The following DOCK8 variants were observed in gnomAD, a reference collection of about 807,000 sequenced individuals.
The protein encoded by DOCK8 is dedicator of cytokinesis protein 8.
Under a neutral mutation model 245.6 loss-of-function variants are expected in DOCK8, and 141 were observed. The observed-to-expected ratio is 0.57, with a 90% CI of 0.50 to 0.66. The LOEUF is 0.66. Ranked by LOEUF, DOCK8 falls within the 30% of genes least tolerant of loss-of-function variation. The pLI is 0.00. For missense variants in DOCK8, 2,965 were observed against 2,603.4 expected (o/e 1.14, Z -3.02); for synonymous variants, 1,168 against 970.2 (o/e 1.20, Z -3.79).
Position 336,461 on chromosome 9 carries a change from A to G in DOCK8, c.1286-121A>G, listed in dbSNP as rs374880694. Reference sequence around the variant, plus strand: ...ATGGAAGGACATTTTCATTCAAAACAAGGATGGCCATATTCAGTGTTCCTG... The same window carrying G: ...ATGGAAGGACATTTTCATTCAAAACGAGGATGGCCATATTCAGTGTTCCTG... On this transcript the variant is annotated intron_variant, in intron 11 of 47. Coordinates refer to ENST00000432829, the MANE Select transcript of DOCK8 (RefSeq NM_203447.4). 2.2e-6 allele frequency: 3 copies of G among 1,345,094 alleles called. No homozygotes were observed. In the African/African-American group the frequency reaches 4.3e-5, roughly 19 times the overall value. The allele number at this position is 1,345,094 out of a possible 1,614,324, so 83.3% of individuals were successfully genotyped here.
chr9:299,089 T>C (rs1394171215), intron 4 of DOCK8, among the ~76,000 whole-genome samples: 2 of 152,210 alleles, frequency 1.3e-5, no homozygotes, highest in African/African-American at 4.8e-5. Context: ...TTTTAGGCGA[T>C]AACTTAATAT....
intron 1 of DOCK8, among the ~76,000 whole-genome samples, chr9:237,468 A>C (rs1339934331): frequency 6.6e-6 from 1 of 152,232 alleles, no homozygotes; most frequent in African/African-American, 2.4e-5. Flanking sequence ...CAGCCTGGGC[A>C]AAGTGGTGAA....
chr9:342,908 C>A (rs1337373315), intron 14 of DOCK8, among the ~76,000 whole-genome samples: 1 of 152,058 alleles, frequency 6.6e-6, no homozygotes, highest in Non-Finnish European at 1.5e-5. Flanking sequence ...TGTCTTTGCC[C>A]CTCTGTACAC....
chr9:366,722 C>G (rs138825104), intron 14 of DOCK8, among the ~76,000 whole-genome samples: 2 of 150,378 alleles, frequency 1.3e-5, no homozygotes, highest in East Asian at 3.9e-4. Flanking sequence ...GTTTATCTCG[C>G]TTTGCCTTGC....
At position 234,035 on chromosome 9, in the gene DOCK8, T is replaced by C. The variant is rs191629471; in HGVS notation, c.53+19006T>C. 5.7e-3 allele frequency among the ~76,000 whole-genome samples: 858 copies of C among 151,676 alleles called. 2 individuals carry two copies. Among genetic ancestry groups the C allele is most frequent in the Middle Eastern group, 0.021 (6 of 292 alleles). ...GGCATGTTTTTGCAGTGGCTGGTAC[T>C]GGTTGTTCCTTTCCATGTTTGGTGC... On this transcript the variant is annotated intron_variant, in intron 1 of 47. Transcript: ENST00000432829.
intron 33 of DOCK8, among the ~76,000 whole-genome samples, chr9:423,425 A>G (rs1482419296): frequency 6.6e-6 from 1 of 152,132 alleles, no homozygotes; most frequent in Non-Finnish European, 1.5e-5. Flanking sequence ...CCCCTCACAC[A>G]CAGTTGACAA....
At position 390,127 on chromosome 9, in the gene DOCK8, T is replaced by C. The variant is rs906558214; in HGVS notation, c.2875-344T>C. On this transcript the variant is annotated intron_variant, in intron 23 of 47. Transcript: ENST00000432829. Reference sequence around the variant, plus strand: ...CTTGCACATGGTCACACAGAGAGTTTTCAGCAGGACCCAAGAGGAAAGTAA... The same window carrying C: ...CTTGCACATGGTCACACAGAGAGTTCTCAGCAGGACCCAAGAGGAAAGTAA... Among the ~76,000 whole-genome samples, 4 of 152,140 alleles carry C rather than the reference T, an allele frequency of 2.6e-5. No individual in the cohort carries two copies. The East Asian group carries it at 7.7e-4, about 29-fold the overall frequency.
In DOCK8 at chr9:368,057, A is replaced by T. The variant is rs906848804; in HGVS notation, c.1719A>T (p.Val573=). ...TCTACCCACAGAGGCTGAACTTTGTAAACAAACTAGCATCAGCCCGGAACA... is the reference window on the plus strand; with the variant it reads ...TCTACCCACAGAGGCTGAACTTTGTTAACAAACTAGCATCAGCCCGGAACA... ...LYVYPQRLNF[V]NKLASARNIT... The change falls in exon 15 of 48, where the codon GTA becomes GTT. Residue 573 remains valine, a synonymous_variant. Transcript: ENST00000432829. 5 of 1,614,188 alleles carry T rather than the reference A, an allele frequency of 3.1e-6. No individual in the cohort carries two copies. The highest frequency in any genetic ancestry group is 3.3e-4 in the Middle Eastern group (2 of 6,062).
At chr9:367,076 A>G (rs2053039859) in intron 14 of DOCK8, among the ~76,000 whole-genome samples, 1 of 152,208 alleles carries the variant, frequency 6.6e-6, no homozygotes, top group Admixed American at 6.5e-5. Context: ...CACTTGTGAC[A>G]TGGGGATGAT....
chr9:420,324 C>T (rs1471701977), intron 30 of DOCK8, 77 bp from the exon 31 acceptor site: 14 of 1,506,034 alleles, frequency 9.3e-6, no homozygotes, highest in Non-Finnish European at 1.0e-5. Context: ...TTTTCTGTTG[C>T]TTGACTGTTA....
chr9:425,339 T>C (rs1048537196), intron 33 of DOCK8, among the ~76,000 whole-genome samples: 18 of 152,088 alleles, frequency 1.2e-4, no homozygotes, highest in Admixed American at 2.6e-4. Flanking sequence ...GAGACCATCC[T>C]GGCTAACGCG....
chr9:323,564 G>A (rs1455899641), intron 7 of DOCK8, among the ~76,000 whole-genome samples: 1 of 152,104 alleles, frequency 6.6e-6, no homozygotes, highest in Non-Finnish European at 1.5e-5. Flanking sequence ...GTTCAGTGGT[G>A]AGTACATTCA....
chr9:240,234 C>G (rs2047346641), intron 1 of DOCK8, among the ~76,000 whole-genome samples: 1 of 152,032 alleles, frequency 6.6e-6, no homozygotes. Context: ...TACAAACTGG[C>G]AAGGTCAATC....
At chr9:352,736 G>A (rs1257972094) in intron 14 of DOCK8, among the ~76,000 whole-genome samples, 1 of 29,782 alleles carries the variant, frequency 3.4e-5, no homozygotes, top group East Asian at 1.1e-3. Context: ...GTGAGACTCT[G>A]TCTCAAAAAA....
At chr9:299,814 G>C (rs2130520104) in intron 4 of DOCK8, among the ~76,000 whole-genome samples, 1 of 151,936 alleles carries the variant, frequency 6.6e-6, no homozygotes, top group African/African-American at 2.4e-5. Context: ...AAGGTCAGGA[G>C]ATCGAGACCA....
chr9:436,293 C>G (rs1480653843), intron 39 of DOCK8, among the ~76,000 whole-genome samples: 2 of 152,212 alleles, frequency 1.3e-5, no homozygotes, highest in African/African-American at 4.8e-5. Context: ...ATAATTAAAT[C>G]TCATCCAAAA....
At chr9:292,714 C>T (rs1007294838) in intron 4 of DOCK8, among the ~76,000 whole-genome samples, 1 of 151,838 alleles carries the variant, frequency 6.6e-6, no homozygotes, top group Non-Finnish European at 1.5e-5. Flanking sequence ...CCCAGTATGC[C>T]TTTTGTCTTT....
chr9:365,338 A>G (rs1228160310), intron 14 of DOCK8, among the ~76,000 whole-genome samples: 3 of 152,182 alleles, frequency 2.0e-5, no homozygotes, highest in African/African-American at 7.2e-5. Context: ...CTTGTTAGCC[A>G]TGTGGAGGAA....
intron 1 of DOCK8, among the ~76,000 whole-genome samples, chr9:256,728 G>A (rs148981795): frequency 4.8e-4 from 73 of 152,158 alleles, no homozygotes; most frequent in African/African-American, 1.1e-3. Context: ...TGAAAGGATC[G>A]CTGGATAGGG....
Sources: allele counts gnomAD v4.1 joint callset (sites outside exome capture counted in the v4.1 genomes callset), GRCh38; gene constraint gnomAD v4.1.1; transcripts MANE v1.5; gene names NCBI Gene and HGNC (gene_info 2026-07-23, HGNC 2026-07-21).